TRERF1: variants seen among roughly 807,000 people sequenced by gnomAD.
The protein encoded by TRERF1 is transcriptional regulating factor 1, also known as transcriptional-regulating factor 1.
TRERF1 carries 27 observed loss-of-function variants against 122.9 expected under a neutral mutation model. The ratio of observed to expected loss-of-function variants is 0.22; its 90% CI spans 0.16 to 0.30. The LOEUF (loss-of-function observed/expected upper bound fraction) is 0.30, where lower values mean the gene tolerates loss of function less well. TRERF1 is among the 10% of genes least tolerant of loss of function. TRERF1 has a pLI of 1.00. For synonymous variants in TRERF1, 636 were observed against 641.7 expected (o/e 0.99, Z 0.13); for missense variants, 1,248 against 1,560.3 (o/e 0.80, Z 3.37).
At chr6:42,387,919 C>T (rs1040639477) in intron 2 of TRERF1, among the ~76,000 whole-genome samples, 1 of 152,154 alleles carries the variant, frequency 6.6e-6, no homozygotes, top group African/African-American at 2.4e-5. Context: ...GCCATCCTCC[C>T]ATCTCAGCCT....
intron 3 of TRERF1, among the ~76,000 whole-genome samples, chr6:42,308,237 G>C (rs1347460869): frequency 6.6e-6 from 1 of 152,224 alleles, no homozygotes; most frequent in Admixed American, 6.5e-5. Flanking sequence ...CAACTGATGA[G>C]TGGATAAACA....
intron 3 of TRERF1, among the ~76,000 whole-genome samples, chr6:42,305,995 CTTTTTTTTTTTTTT>C (rs55700516): frequency 4.6e-4 from 32 of 69,500 alleles, no homozygotes; most frequent in African/African-American, 1.5e-3. Flanking sequence ...AATATCTCTC[CTTTTTTTTTTTTTT>C]TTTTTTTTTT....
intron 2 of TRERF1, among the ~76,000 whole-genome samples, chr6:42,418,254 C>CT (rs1782187647): frequency 2.4e-4 from 2 of 8,386 alleles, no homozygotes; most frequent in East Asian, 4.1e-3. Context: ...GAGTTTTGCT[C>CT]TTTCTTTCTT....
intron 2 of TRERF1, among the ~76,000 whole-genome samples, chr6:42,435,182 A>C (rs183556420): frequency 4.6e-5 from 7 of 152,200 alleles, no homozygotes; most frequent in Admixed American, 4.6e-4. Context: ...CACAAAAAAA[A>C]TGTCTTCTGG....
chr6:42,235,411 G>A (rs1301848063), intron 16 of TRERF1, among the ~76,000 whole-genome samples: 1 of 152,224 alleles, frequency 6.6e-6, no homozygotes, highest in Non-Finnish European at 1.5e-5. Flanking sequence ...GCGGGAGATT[G>A]AGAAATAACC....
Position 42,264,826 on chromosome 6 carries a change from G to A in TRERF1, c.1513C>T (p.Gln505Ter). The A allele has an allele frequency of 6.2e-7, 1 of 1,614,192 alleles. No individual in the cohort carries two copies. Among genetic ancestry groups the A allele is most frequent in the Non-Finnish European group, 8.5e-7 (1 of 1,180,030 alleles). The change falls in exon 7 of 18, where the codon CAG becomes TAG. Residue 505 changes from glutamine to a stop codon, truncating the protein, a stop_gained. Transcript: ENST00000372922. LOFTEE classifies it high-confidence loss of function. ...GTCAGCTTGTTCTTGGCATCAAACT[G>A]CTCCCCAAACGCTCCTTTGGGTTGG...
intron 2 of TRERF1, among the ~76,000 whole-genome samples, chr6:42,388,130 C>T (rs1777109447): frequency 6.6e-6 from 1 of 152,140 alleles, no homozygotes; most frequent in South Asian, 2.1e-4. Flanking sequence ...CAGCGAGCTG[C>T]CTGGCTATCA....
chr6:42,236,538 A>G, intron 15 of TRERF1, 127 bp from the exon 16 acceptor site: 7 of 1,380,124 alleles, frequency 5.1e-6, no homozygotes, highest in Non-Finnish European at 5.8e-6. Flanking sequence ...TTCTTTCTGC[A>G]TAAGGAATGG....
chr6:42,312,298 G>C (rs138568381), intron 3 of TRERF1, among the ~76,000 whole-genome samples: 10 of 152,322 alleles, frequency 6.6e-5, no homozygotes, highest in African/African-American at 2.4e-4. Flanking sequence ...ATGAGCCCCA[G>C]CTGTTCTGCT....
At chr6:42,366,178 C>T (rs932162180) in intron 2 of TRERF1, among the ~76,000 whole-genome samples, 4 of 152,216 alleles carry the variant, frequency 2.6e-5, no homozygotes, top group Non-Finnish European at 5.9e-5. Flanking sequence ...CTCTTCTGAG[C>T]TCACTGCATC....
At position 42,243,366 on chromosome 6, in the gene TRERF1, C is replaced by T. The variant is rs1774109730; in HGVS notation, c.2746-5G>A. 3 of 1,608,352 alleles carry T rather than the reference C, an allele frequency of 1.9e-6. No individual in the cohort carries two copies. Among genetic ancestry groups the T allele is most frequent in the South Asian group, 1.1e-5 (1 of 90,772 alleles). The stretch of plus-strand genomic sequence containing the variant: ...AGCCACCGTCTTGGACTTCACCTGC[C>T]GGGAAAGCGAACTCAAGGTTAGCTC... On this transcript the variant is annotated splice_region_variant and splice_polypyrimidine_tract_variant and intron_variant, in intron 14 of 17. Transcript: ENST00000372922.
intron 4 of TRERF1, among the ~76,000 whole-genome samples, chr6:42,290,555 T>C (rs1884319): frequency 0.081 from 12,356 of 152,034 alleles, 573 homozygotes; most frequent in African/African-American, 0.12. Context: ...TTTGTGGTGA[T>C]GGTGTATTGA....
At position 42,360,908 on chromosome 6, in the gene TRERF1, G is replaced by A. The variant is rs542383388; in HGVS notation, c.-371+2089C>T. 3.3e-5 allele frequency among the ~76,000 whole-genome samples: 5 copies of A among 151,304 alleles called. No homozygotes were observed. In the South Asian group the frequency reaches 1.0e-3, roughly 32 times the overall value. On this transcript the variant is annotated intron_variant, in intron 3 of 17. Transcript: ENST00000372922. ...ATGAGCTGATTAATCAATTCATTGTGCCGTGGGAGCCCCTGAGTTAGGTTT... is the reference window on the plus strand; with the variant it reads ...ATGAGCTGATTAATCAATTCATTGTACCGTGGGAGCCCCTGAGTTAGGTTT...
intron 2 of TRERF1, among the ~76,000 whole-genome samples, chr6:42,364,429 T>C (rs1408105032): frequency 6.6e-6 from 1 of 152,208 alleles, no homozygotes; most frequent in Non-Finnish European, 1.5e-5. Flanking sequence ...TCCCTTAGAC[T>C]GTAAATTCCC....
intron 2 of TRERF1, among the ~76,000 whole-genome samples, chr6:42,438,817 T>C (rs1785948118): frequency 1.3e-5 from 2 of 152,038 alleles, no homozygotes; most frequent in Admixed American, 6.5e-5. Context: ...CCAGGCTCTG[T>C]GTTCTGTGCT....
intron 3 of TRERF1, among the ~76,000 whole-genome samples, chr6:42,333,998 T>TACACATACACTAC (rs1554171320): frequency 6.8e-6 from 1 of 147,078 alleles, no homozygotes; most frequent in Non-Finnish European, 1.5e-5. Flanking sequence ...ACACATACAC[T>TACACATACACTAC]ACACACACAC....
At chr6:42,295,861 A>G (rs559269477) in intron 4 of TRERF1, among the ~76,000 whole-genome samples, 1 of 152,306 alleles carries the variant, frequency 6.6e-6, no homozygotes, top group East Asian at 1.9e-4. Context: ...TGAAAAAAAG[A>G]CTTGTTGCCT....
In TRERF1 at chr6:42,259,194, T is replaced by C; in HGVS notation, c.2269+145A>G. 1.8e-6 allele frequency: 2 copies of C among 1,140,860 alleles called. No individual in the cohort carries two copies. The highest frequency in any genetic ancestry group is 1.2e-6 in the Non-Finnish European group (1 of 852,698). The allele number at this position is 1,140,860 out of a possible 1,614,324, so 70.7% of individuals were successfully genotyped here. A position where few individuals can be genotyped will look rare whatever the true frequency, so the allele number is the denominator to read the frequency against. On this transcript the variant is annotated intron_variant, in intron 9 of 17. Coordinates refer to ENST00000372922, the Ensembl canonical transcript of TRERF1. This position sits in a 1 kb window ranked among gnomAD's most constrained non-coding sequence, Gnocchi z 4.9. ...GGATAAGGGCTATGTATTCCAAGTC[T>C]TTCTTAACACCCAGCAGCGCGTGCT... is the stretch of plus-strand genomic sequence containing the variant.
At chr6:42,347,704 C>A (rs1768577366) in intron 3 of TRERF1, among the ~76,000 whole-genome samples, 1 of 152,108 alleles carries the variant, frequency 6.6e-6, no homozygotes, top group Non-Finnish European at 1.5e-5. Context: ...TAAGACCAAG[C>A]CCTGACCTCA....
Sources: gnomAD v4.1 joint callset for allele counts (sites outside exome capture counted in the v4.1 genomes callset) on GRCh38, gnomAD v4.1.1 for gene constraint, Gnocchi (gnomAD v3.1) non-coding constraint, MANE v1.5 for transcripts, NCBI Gene and HGNC (gene_info 2026-07-23, HGNC 2026-07-21) for gene names.